Variants in DNAAF3 observed in about 807,000 individuals in gnomAD.
DNAAF3 encodes UPF0470 protein C19orf51.
In DNAAF3, 40 loss-of-function variants were observed where a neutral mutation model predicts 50.9. The ratio of observed to expected loss-of-function variants is 0.79; its 90% CI spans 0.61 to 1.02. The LOEUF (loss-of-function observed/expected upper bound fraction) is 1.02, where lower values mean the gene tolerates loss of function less well. Among genes scored for constraint, DNAAF3 ranks in the 50% least tolerant of loss-of-function variants. DNAAF3 has a pLI of 0.00. For missense variants in DNAAF3, 763 were observed against 744.7 expected (o/e 1.02, Z -0.29); for synonymous variants, 327 against 322.8 (o/e 1.01, Z -0.14).
intron 10 of DNAAF3, 136 bp from the exon 11 acceptor site, chr19:55,159,743 G>A: frequency 6.4e-7 from 1 of 1,566,656 alleles, no homozygotes; most frequent in Non-Finnish European, 8.7e-7. Flanking sequence ...GGGAGCAGGA[G>A]GTCTGGACTC....
At chr19:55,162,109 C>T in intron 5 of DNAAF3, 24 bp downstream of exon 5, 2 of 1,243,346 alleles carry the variant, frequency 1.6e-6, no homozygotes, top group East Asian at 3.1e-5. Context: ...CACCCGATCC[C>T]AGATGGAGGC....
rs763874734 is a variant in DNAAF3 at position 55,159,927 on chromosome 19, G to A, written c.1135C>T (p.Arg379Ter). ...CAGGCCACATAGAGGAGCTGGAATC[G>A]GCCGTTGTAGCAGCTCTTGTGGTGG... ...TLHHKSCYNG[R>*]FQLLYVACGM... Residue 379 changes from arginine (R) to a stop codon, truncating the protein, a stop_gained, in exon 10 of 12, where the codon CGA (arginine) becomes TGA (stop). Coordinates refer to ENST00000524407, the MANE Select transcript of DNAAF3 (RefSeq NM_001256715.2). LOFTEE classifies it high-confidence loss of function. 1.9e-6 allele frequency: 3 copies of A among 1,614,004 alleles called. No individual in the cohort carries two copies. Among genetic ancestry groups the A allele is most frequent in the Non-Finnish European group, 1.7e-6 (2 of 1,180,006 alleles).
intron 4 of DNAAF3, chr19:55,162,687 A>G: frequency 1.0e-6 from 1 of 988,646 alleles, no homozygotes; most frequent in Non-Finnish European, 1.2e-6. Context: ...TAACAACACA[A>G]CAGTAAAAAA....
Position 55,166,456 on chromosome 19 carries a change from G to C in DNAAF3, c.-4-39C>G, listed in dbSNP as rs775436865. The stretch of plus-strand genomic sequence containing the variant: ...ATTCTGGGAATCGCACACATTGCCC[G>C]CCCCGCTCCCCTCTCACCGCCCCTC... On this transcript the variant is annotated intron_variant, in intron 1 of 11. Coordinates refer to ENST00000524407, the MANE Select transcript of DNAAF3 (RefSeq NM_001256715.2). The surrounding 1 kb of genome is among the most constrained non-coding windows in gnomAD (Gnocchi z 4.0). The C allele has an allele frequency of 1.2e-6, 2 of 1,612,848 alleles. No individual in the cohort carries two copies. The highest frequency in any genetic ancestry group is 1.7e-5 in the Admixed American group (1 of 59,954).
chr19:55,160,900 G>A lies in DNAAF3; in HGVS notation c.913-125C>T. On this transcript the variant is annotated intron_variant, in intron 8 of 11. Coordinates refer to ENST00000524407, the MANE Select transcript of DNAAF3 (RefSeq NM_001256715.2). This position sits in a 1 kb window ranked among gnomAD's most constrained non-coding sequence, Gnocchi z 4.7. ...TGCTTGGAGGATGTGAAGTGGGGCG[G>A]GACCTATCCCGCGGGGATGGGGCCT... 1 of 1,462,152 alleles carries A rather than the reference G, an allele frequency of 6.8e-7. No homozygotes were observed. Among genetic ancestry groups the A allele is most frequent in the Non-Finnish European group, 9.0e-7 (1 of 1,109,908 alleles). 90.6% of individuals were successfully genotyped at this position (1,462,152 alleles called of 1,614,324 possible).
chr19:55,162,717 T>C (rs1599924528), intron 4 of DNAAF3: 2 of 971,464 alleles, frequency 2.1e-6, no homozygotes, highest in African/African-American at 1.8e-5. Flanking sequence ...TTGTAAAATA[T>C]GGTGTAAGCA....
chr19:55,159,696 G>T, intron 10 of DNAAF3, 89 bp from the exon 11 acceptor site: 3 of 1,589,918 alleles, frequency 1.9e-6, no homozygotes, highest in African/African-American at 1.4e-5. Context: ...GAGGGAGGAG[G>T]GGTGGCAAAA....
At position 55,160,611 on chromosome 19, in the gene DNAAF3, T is replaced by A. The variant is rs747612551; in HGVS notation, c.1048+29A>T. 1.4e-6 allele frequency: 2 copies of A among 1,468,210 alleles called. No homozygotes were observed. The highest frequency in any genetic ancestry group is 2.6e-5 in the South Asian group (2 of 76,604). The allele number at this position is 1,468,210 out of a possible 1,614,324, so 90.9% of individuals were successfully genotyped here. A position where few individuals can be genotyped will look rare whatever the true frequency, so the allele number is the denominator to read the frequency against. Reference sequence around the variant, plus strand: ...TGAAACACCTGGAGGCTGGAGTCCCTGGCTTACCTGTTGTTGTCCCTGGCT... The same window carrying A: ...TGAAACACCTGGAGGCTGGAGTCCCAGGCTTACCTGTTGTTGTCCCTGGCT... On this transcript the variant is annotated intron_variant, in intron 9 of 11. Coordinates refer to ENST00000524407, the MANE Select transcript of DNAAF3 (RefSeq NM_001256715.2). The surrounding 1 kb of genome is among the most constrained non-coding windows in gnomAD (Gnocchi z 4.7).
At chr19:55,163,372 A>T (rs1339630019) in intron 4 of DNAAF3, among the ~76,000 whole-genome samples, 1 of 134,376 alleles carries the variant, frequency 7.4e-6, no homozygotes, top group Admixed American at 8.4e-5. Context: ...GTTAGCCAGG[A>T]TGGTCTCGAT....
Position 55,161,982 on chromosome 19 carries a change from G to GC in DNAAF3, c.480+150dup, listed in dbSNP as rs2085844953. 1.5e-6 allele frequency: 2 copies of GC among 1,346,688 alleles called. No homozygotes were observed. The highest frequency in any genetic ancestry group is 1.9e-6 in the Non-Finnish European group (2 of 1,046,754). 83.4% of individuals were successfully genotyped at this position (1,346,688 alleles called of 1,614,324 possible). On this transcript the variant is annotated intron_variant, in intron 5 of 11. Coordinates refer to ENST00000524407, the MANE Select transcript of DNAAF3 (RefSeq NM_001256715.2). The surrounding 1 kb of genome is among the most constrained non-coding windows in gnomAD (Gnocchi z 6.4). ...GCTCCGAAAGCAGAAGCCACCTCCT[G>GC]CCCCCAGGCCAAATCCCACAGTGGG...
rs1022332376 is a variant in DNAAF3 at position 55,161,125 on chromosome 19, G to T, written c.852C>A (p.Ala284=). The change falls in exon 8 of 12, where the codon GCC becomes GCA. Residue 284 remains alanine (A), a synonymous_variant. Transcript: ENST00000524407. This position sits in a 1 kb window ranked among gnomAD's most constrained non-coding sequence, Gnocchi z 6.4. ...WGDIATGPFV[A]FGIEADDESL... Reference sequence around the variant, plus strand: ...TCTCGTCGTCCGCTTCGATGCCGAAGGCCACGAAGGGCCCCGTGGCGATGT... The same window carrying T: ...TCTCGTCGTCCGCTTCGATGCCGAATGCCACGAAGGGCCCCGTGGCGATGT... 3.2e-6 allele frequency: 5 copies of T among 1,547,940 alleles called. No homozygotes were observed. The African/African-American group carries it at 5.5e-5, about 17-fold the overall frequency.
chr19:55,162,986 CTTTTCTTTTTCTTT>C (rs2085865491), intron 4 of DNAAF3, among the ~76,000 whole-genome samples: 1 of 109,932 alleles, frequency 9.1e-6, no homozygotes, highest in African/African-American at 3.2e-5. Flanking sequence ...ATTTCTTTTT[CTTTTCTTTTTCTTT>C]TTTTTTTTTT....
Position 55,163,010 on chromosome 19 carries a change from T to C in DNAAF3, c.323-720A>G, listed in dbSNP as rs1215413296. 4.7e-4 allele frequency among the ~76,000 whole-genome samples: 52 copies of C among 110,008 alleles called. 2 individuals are homozygous for C. The East Asian group carries it at 6.4e-3, about 14-fold the overall frequency. The allele number at this position is 110,008 out of a possible 152,430, so 72.2% of individuals were successfully genotyped here. Reference sequence around the variant, plus strand: ...TCTTTTCTTTTTCTTTTTTTTTTTTTTTTTTTTTTTTTTTTTTGAGACGGA... The same window carrying C: ...TCTTTTCTTTTTCTTTTTTTTTTTTCTTTTTTTTTTTTTTTTTGAGACGGA... On this transcript the variant is annotated intron_variant, in intron 4 of 11. Coordinates refer to ENST00000524407, the MANE Select transcript of DNAAF3 (RefSeq NM_001256715.2).
In DNAAF3 at chr19:55,166,404, G is replaced by A. The variant is rs993612649; in HGVS notation, c.10C>T (p.Pro4Ser). 6 of 1,613,760 alleles carry A rather than the reference G, an allele frequency of 3.7e-6. No homozygotes were observed. The highest frequency in any genetic ancestry group is 1.1e-5 in the South Asian group (1 of 91,084). The change falls in exon 2 of 12, where the codon CCT (proline) becomes TCT (serine). Residue 4 changes from proline to serine, a missense_variant. Transcript: ENST00000524407. The surrounding 1 kb of genome is among the most constrained non-coding windows in gnomAD (Gnocchi z 4.0). ...CCGAAGCCGCTGCCGGAGCCGGCAG[G>A]TGTGGTCATCACCCTGCGGAAAAGA... MTT[P>S]AGSGSGFGSV...
Position 55,160,977 on chromosome 19 carries a change from G to A in DNAAF3, c.912+88C>T. 1 of 1,462,174 alleles carries A rather than the reference G, an allele frequency of 6.8e-7. No homozygotes were observed. Among genetic ancestry groups the A allele is most frequent in the African/African-American group, 1.4e-5 (1 of 70,364 alleles). The allele number at this position is 1,462,174 out of a possible 1,614,324, so 90.6% of individuals were successfully genotyped here. A position where few individuals can be genotyped will look rare whatever the true frequency, so the allele number is the denominator to read the frequency against. On this transcript the variant is annotated intron_variant, in intron 8 of 11. Transcript: ENST00000524407. The surrounding 1 kb of genome is among the most constrained non-coding windows in gnomAD (Gnocchi z 4.7). ...AAGCGACGGGCGGGGTCTGGAGCTG[G>A]GGGCGGGGCCTGCTGTGGGGGCGGG...
Position 55,161,134 on chromosome 19 carries a change from G to A in DNAAF3, c.843C>T (p.Pro281=), listed in dbSNP as rs900702106. ...RGYWGDIATG[P]FVAFGIEADD... is the part of the protein sequence containing the mutation. ...CCGCTTCGATGCCGAAGGCCACGAA[G>A]GGCCCCGTGGCGATGTCCCCCCAGT... Residue 281 remains proline, a synonymous_variant, in exon 8 of 12, where the codon CCC becomes CCT. Transcript: ENST00000524407. The surrounding 1 kb of genome is among the most constrained non-coding windows in gnomAD (Gnocchi z 6.4). The A allele has an allele frequency of 7.7e-6, 12 of 1,550,230 alleles. No homozygotes were observed. Among genetic ancestry groups the A allele is most frequent in the Non-Finnish European group, 1.0e-5 (12 of 1,148,386 alleles).
rs535063473 is a variant in DNAAF3 at position 55,166,448 on chromosome 19, C to T, written c.-4-31G>A. 3.7e-6 allele frequency: 6 copies of T among 1,613,568 alleles called. No individual in the cohort carries two copies. The highest frequency in any genetic ancestry group is 2.2e-5 in the South Asian group (2 of 91,042). Reference sequence around the variant, plus strand: ...GAAAAGACATTCTGGGAATCGCACACATTGCCCGCCCCGCTCCCCTCTCAC... The same window carrying T: ...GAAAAGACATTCTGGGAATCGCACATATTGCCCGCCCCGCTCCCCTCTCAC... On this transcript the variant is annotated intron_variant, in intron 1 of 11. Coordinates refer to ENST00000524407, the MANE Select transcript of DNAAF3 (RefSeq NM_001256715.2). The surrounding 1 kb of genome is among the most constrained non-coding windows in gnomAD (Gnocchi z 4.0).
rs934147641 is a variant in DNAAF3 at position 55,160,837 on chromosome 19, G to A, written c.913-62C>T. 8.9e-6 allele frequency: 14 copies of A among 1,568,396 alleles called. No individual in the cohort carries two copies. The highest frequency in any genetic ancestry group is 7.9e-5 in the Admixed American group (4 of 50,680). On this transcript the variant is annotated intron_variant, in intron 8 of 11. Coordinates refer to ENST00000524407, the MANE Select transcript of DNAAF3 (RefSeq NM_001256715.2). The surrounding 1 kb of genome is among the most constrained non-coding windows in gnomAD (Gnocchi z 4.7). The stretch of plus-strand genomic sequence containing the variant: ...AGGATGGCGGGGCGGGGCTTAGAAC[G>A]CTGGGAGTCCTCGGTCCAGGACTAG...
intron 4 of DNAAF3, among the ~76,000 whole-genome samples, chr19:55,164,186 C>A (rs1164734522): frequency 6.6e-6 from 1 of 152,088 alleles, no homozygotes; most frequent in African/African-American, 2.4e-5. Context: ...GTCAATTAAA[C>A]CTCTTTTCTT....
Sources: allele counts gnomAD v4.1 joint callset (sites outside exome capture counted in the v4.1 genomes callset), GRCh38; gene constraint gnomAD v4.1.1; non-coding constraint Gnocchi (gnomAD v3.1); transcripts MANE v1.5; gene names NCBI Gene and HGNC (gene_info 2026-07-23, HGNC 2026-07-21).